MED17: variants seen among roughly 807,000 people sequenced by gnomAD.
The protein encoded by MED17 is mediator complex subunit 17.
A neutral mutation model predicts 80.8 loss-of-function variants in MED17; 49 were observed. The observed-to-expected ratio is 0.61, with a 90% CI of 0.48 to 0.77. The LOEUF (loss-of-function observed/expected upper bound fraction) is 0.77. MED17 is among the 30% of genes least tolerant of loss of function. The pLI is 0.00. For synonymous variants in MED17, 281 were observed against 280.4 expected (o/e 1.00, Z -0.02); for missense variants, 718 against 787.0 (o/e 0.91, Z 1.05).
Position 93,790,777 on chromosome 11 carries a change from G to A in MED17, c.621G>A (p.Leu207=), listed in dbSNP as rs767866258. ...TTGGAGATAAAATTCTCGGAGATCT[G>A]AGCTACAGAAGTGCAGGTATGAATA... ...RKVGDKILGD[L]SYRSAGSLFP... Residue 207 remains leucine, a synonymous_variant, in exon 3 of 12, where the codon CTG becomes CTA. Transcript: ENST00000251871. 3 of 1,613,904 alleles carry A rather than the reference G, an allele frequency of 1.9e-6. No homozygotes were observed. In the Admixed American group the frequency reaches 5.0e-5, roughly 27 times the overall value.
rs751818567 is a variant in MED17 at position 93,796,511 on chromosome 11, G to C, written c.1114G>C (p.Glu372Gln). 2 of 1,614,110 alleles carry C rather than the reference G, an allele frequency of 1.2e-6. No individual in the cohort carries two copies. Among genetic ancestry groups the C allele is most frequent in the Non-Finnish European group, 1.7e-6 (2 of 1,180,016 alleles). Residue 372 changes from glutamate (E) to glutamine (Q), a missense_variant, in exon 7 of 12, where the codon GAG (glutamate) becomes CAG (glutamine). Transcript: ENST00000251871. ...QCPEDHLYVLEHNLHLLIREF... is the reference protein window; with the variant it reads ...QCPEDHLYVLQHNLHLLIREF... ...TCCGGAGGACCACCTTTATGTCCTA[G>C]AGCATAATTTGCATCTACTGATTAG...
chr11:93,793,517 T>G, intron 3 of MED17: 1 of 500,954 alleles, frequency 2.0e-6, no homozygotes, highest in East Asian at 3.5e-5. Context: ...AAGAAGTGTT[T>G]TTTTTTTTTA....
At chr11:93,798,769 A>G (rs1368912642) in intron 8 of MED17, among the ~76,000 whole-genome samples, 2 of 152,192 alleles carry the variant, frequency 1.3e-5, no homozygotes, top group East Asian at 3.8e-4. Flanking sequence ...TGATGTATGT[A>G]GAAGTTTCTT....
intron 5 of MED17, chr11:93,794,674 A>G (rs1292169770): frequency 3.5e-6 from 2 of 572,864 alleles, no homozygotes; most frequent in Admixed American, 3.1e-5. Flanking sequence ...TTTCCTCTTC[A>G]GGAATGAAAG....
Position 93,790,682 on chromosome 11 carries a change from G to A in MED17, c.526G>A (p.Glu176Lys). The change falls in exon 3 of 12, where the codon GAA (glutamate) becomes AAA (lysine). Residue 176 changes from glutamate (E) to lysine (K), a missense_variant. Transcript: ENST00000251871. ...RLTKSVTENQ[E>K]NKLQRDFNSE... is the part of the protein sequence containing the mutation. ...GACTAAATCAGTTACCGAAAACCAA[G>A]AAAACAAGCTACAAAGAGACTTCAA... 6.2e-7 allele frequency: 1 copy of A among 1,614,182 alleles called. No homozygotes were observed. The highest frequency in any genetic ancestry group is 8.5e-7 in the Non-Finnish European group (1 of 1,180,018).
At chr11:93,792,168 C>A (rs1330040635) in intron 3 of MED17, among the ~76,000 whole-genome samples, 1 of 152,040 alleles carries the variant, frequency 6.6e-6, no homozygotes, top group African/African-American at 2.4e-5. Context: ...TGGCTTTGAT[C>A]GTTGAGATAA....
rs558586606 is a variant in MED17 at position 93,784,511 on chromosome 11, A to G, written c.-3A>G. ...CCTCCCACCGCTGGCCGACGCAGCC[A>G]GCATGTCCGGGGTGCGCGCAGTGCG... On this transcript the variant is annotated 5_prime_UTR_variant, in exon 1 of 12. Coordinates refer to ENST00000251871, the MANE Select transcript of MED17 (RefSeq NM_004268.5). 46 of 1,596,580 alleles carry G rather than the reference A, an allele frequency of 2.9e-5. No homozygotes were observed. In the East Asian group the frequency reaches 9.9e-4, roughly 34 times the overall value.
chr11:93,807,905 A>G lies in MED17; in HGVS notation c.1584+270A>G, dbSNP rs143951028. The G allele has an allele frequency of 3.1e-5, 14 of 458,060 alleles. No individual in the cohort carries two copies. In the East Asian group the frequency reaches 5.8e-4, roughly 19 times the overall value. 28.4% of individuals were successfully genotyped at this position (458,060 alleles called of 1,614,324 possible). ...TAGCAAGTTTTTTTTCCCACATGTC[A>G]TATTTGTGAAGGTTTACAAAATCTC... On this transcript the variant is annotated intron_variant, in intron 10 of 11. Transcript: ENST00000251871.
intron 9 of MED17, chr11:93,806,577 T>C (rs1286958125): frequency 6.6e-6 from 1 of 152,318 alleles, no homozygotes; most frequent in South Asian, 2.1e-4. Flanking sequence ...CTGACTTGTT[T>C]GCTGATTATT....
intron 10 of MED17, 142 bp from the exon 11 acceptor site, chr11:93,809,575 A>G: frequency 1.2e-6 from 1 of 842,160 alleles, no homozygotes; most frequent in Non-Finnish European, 2.0e-6. Context: ...TAAGTTACGC[A>G]CAGGAGGATT....
intron 8 of MED17, among the ~76,000 whole-genome samples, chr11:93,798,005 G>A (rs370427808): frequency 2.0e-5 from 3 of 152,300 alleles, no homozygotes; most frequent in African/African-American, 4.8e-5. Context: ...TAACCCAGCC[G>A]TGAGATACTT....
At position 93,788,142 on chromosome 11, in the gene MED17, C is replaced by T; in HGVS notation, c.392C>T (p.Ser131Phe). ...DKKFMTLDPVSQDALPPKQNP... is the reference protein window; with the variant it reads ...DKKFMTLDPVFQDALPPKQNP... ...AAATTTATGACTCTTGATCCTGTCT[C>T]TCAGGATGCACTTCCTCCAAAACAG... is the stretch of plus-strand genomic sequence containing the variant. The change falls in exon 2 of 12, where the codon TCT becomes TTT. Residue 131 changes from serine to phenylalanine, a missense_variant. Coordinates refer to ENST00000251871, the MANE Select transcript of MED17 (RefSeq NM_004268.5). 2 of 1,612,858 alleles carry T rather than the reference C, an allele frequency of 1.2e-6. No homozygotes were observed. The highest frequency in any genetic ancestry group is 1.7e-6 in the Non-Finnish European group (2 of 1,179,046).
At chr11:93,796,678 C>T in intron 7 of MED17, 138 bp downstream of exon 7, 1 of 1,036,964 alleles carries the variant, frequency 9.6e-7, no homozygotes, top group African/African-American at 1.6e-5. Context: ...AAGATCCTTG[C>T]TGTGTGCTAG....
chr11:93,784,643 G>T lies in MED17; in HGVS notation c.130G>T (p.Ala44Ser). ...LSMSQNLARL[A>S]QRIDFSQGSG... ...CATGTCGCAGAATCTGGCGCGTCTG[G>T]CCCAGCGGATAGACTTCAGCCAGGG... Residue 44 changes from alanine (A) to serine (S), a missense_variant, in exon 1 of 12, where the codon GCC (alanine) becomes TCC (serine). Coordinates refer to ENST00000251871, the MANE Select transcript of MED17 (RefSeq NM_004268.5). 1 of 1,576,420 alleles carries T rather than the reference G, an allele frequency of 6.3e-7. No individual in the cohort carries two copies. Among genetic ancestry groups the T allele is most frequent in the South Asian group, 1.2e-5 (1 of 86,398 alleles).
At chr11:93,809,604 G>A in intron 10 of MED17, 113 bp from the exon 11 acceptor site, 1 of 1,060,018 alleles carries the variant, frequency 9.4e-7, no homozygotes, top group Non-Finnish European at 1.5e-6. Flanking sequence ...CTAAGATAGG[G>A]TTGCTGTAGT....
In MED17 at chr11:93,797,548, C is replaced by A; in HGVS notation, c.1157C>A (p.Thr386Asn). The change falls in exon 8 of 12, where the codon ACC becomes AAC. Residue 386 changes from threonine (T) to asparagine (N), a missense_variant. Transcript: ENST00000251871. ...HLLIREFHKQTLSSIMMPHPA... is the reference protein window; with the variant it reads ...HLLIREFHKQNLSSIMMPHPA... ...TGTTTTTGTTAGTTTCATAAACAGA[C>A]CTTGAGTTCCATCATGATGCCTCAT... 6.2e-7 allele frequency: 1 copy of A among 1,613,946 alleles called. No individual in the cohort carries two copies.
Position 93,796,487 on chromosome 11 carries a change from C to G in MED17, c.1090C>G (p.Pro364Ala), listed in dbSNP as rs542312413. The G allele has an allele frequency of 4.3e-6, 7 of 1,613,942 alleles. No individual in the cohort carries two copies. The African/African-American group carries it at 9.3e-5, about 22-fold the overall frequency. ...SQKFATEKQC[P>A]EDHLYVLEHN... Reference sequence around the variant, plus strand: ...AAAATTTGCTACTGAGAAGCAATGTCCGGAGGACCACCTTTATGTCCTAGA... The same window carrying G: ...AAAATTTGCTACTGAGAAGCAATGTGCGGAGGACCACCTTTATGTCCTAGA... Residue 364 changes from proline (P) to alanine (A), a missense_variant, in exon 7 of 12, where the codon CCG becomes GCG. By Grantham distance (27) the Pro-to-Ala change is conservative (BLOSUM62 -1). Coordinates refer to ENST00000251871, the MANE Select transcript of MED17 (RefSeq NM_004268.5).
chr11:93,805,562 T>C (rs541682402), intron 9 of MED17, among the ~76,000 whole-genome samples: 47 of 152,136 alleles, frequency 3.1e-4, no homozygotes, highest in African/African-American at 1.1e-3. Flanking sequence ...GCCTGGGTGA[T>C]AGAGTGAGAT....
At chr11:93,793,683 ATATGT>A (rs776875289) in intron 3 of MED17, 40 bp from the exon 4 acceptor site, 1 of 1,346,894 alleles carries the variant, frequency 7.4e-7, no homozygotes, top group African/African-American at 1.4e-5. Context: ...TGTCGGAATA[ATATGT>A]TAACTGTTTT....
Sources: allele counts gnomAD v4.1 joint callset (sites outside exome capture counted in the v4.1 genomes callset), GRCh38; gene constraint gnomAD v4.1.1; transcripts MANE v1.5; gene names NCBI Gene and HGNC (gene_info 2026-07-23, HGNC 2026-07-21).